CIITA: variants seen among roughly 807,000 people sequenced by gnomAD.
CIITA encodes the protein MHC class II transactivator.
Under a neutral mutation model 115.1 loss-of-function variants are expected in CIITA, and 72 were observed. The ratio of observed to expected loss-of-function variants is 0.63; its 90% CI spans 0.52 to 0.76. The LOEUF (loss-of-function observed/expected upper bound fraction) is 0.76, where lower values mean the gene tolerates loss of function less well. CIITA is among the 30% of genes least tolerant of loss of function. The probability of loss-of-function intolerance (pLI) is 0.00; values close to 1 mark genes in which losing one functional copy is unlikely to be tolerated. For synonymous variants in CIITA, 763 were observed against 635.6 expected (o/e 1.20, Z -3.02); for missense variants, 1,617 against 1,463.8 (o/e 1.10, Z -1.71).
At chr16:10,870,934 C>G (rs945510197) in intron 1 of CIITA, among the ~76,000 whole-genome samples, 3 of 152,220 alleles carry the variant, frequency 2.0e-5, no homozygotes, top group Non-Finnish European at 4.4e-5. Context: ...GGGCCCCAGA[C>G]AATATCTAGA....
At chr16:10,922,517 G>C in intron 18 of CIITA, 27 bp downstream of exon 18, 1 of 1,611,774 alleles carries the variant, frequency 6.2e-7, no homozygotes, top group East Asian at 2.2e-5. Context: ...CTGGTGGGTG[G>C]AGAACAACTC....
At chr16:10,886,600 C>T (rs532263816) in intron 1 of CIITA, among the ~76,000 whole-genome samples, 17 of 152,326 alleles carry the variant, frequency 1.1e-4, no homozygotes, top group African/African-American at 3.6e-4. Flanking sequence ...CCCACAAACC[C>T]GTGTAACCAA....
upstream of CIITA, among the ~76,000 whole-genome samples, chr16:10,873,523 G>T (rs551485095): frequency 5.9e-5 from 9 of 152,304 alleles, no homozygotes; most frequent in African/African-American, 1.9e-4. Flanking sequence ...CTAAAATATA[G>T]ACCAAAAGGG....
At chr16:10,906,344 A>C (rs2039148224) in intron 10 of CIITA, among the ~76,000 whole-genome samples, 155 bp from the exon 11 acceptor site, 1 of 152,252 alleles carries the variant, frequency 6.6e-6, no homozygotes, top group Non-Finnish European at 1.5e-5. Context: ...TGGGCAAAAA[A>C]GCCAGACCCT....
chr16:10,873,862 A>G (rs1477729839), upstream of CIITA, among the ~76,000 whole-genome samples: 1 of 152,150 alleles, frequency 6.6e-6, no homozygotes, highest in Non-Finnish European at 1.5e-5. Context: ...CTCTCCTGAC[A>G]GGGGTCCCGT....
Position 10,903,730 on chromosome 16 carries a change from G to A in CIITA, c.773-1G>A. On this transcript the variant is annotated splice_acceptor_variant, in intron 8 of 19. Coordinates refer to ENST00000324288, the MANE Select transcript of CIITA (RefSeq NM_000246.4). LOFTEE classifies it high-confidence loss of function. Reference sequence around the variant, plus strand: ...CACACCACTCTCCACCCCCAATGTAGGTGAGGTGCCCCAGGCCAGCCAAGT... The same window carrying A: ...CACACCACTCTCCACCCCCAATGTAAGTGAGGTGCCCCAGGCCAGCCAAGT... 1 of 1,614,076 alleles carries A rather than the reference G, an allele frequency of 6.2e-7. No individual in the cohort carries two copies. Among genetic ancestry groups the A allele is most frequent in the Non-Finnish European group, 8.5e-7 (1 of 1,180,004 alleles).
At chr16:10,882,684 G>T (rs1265717116) in intron 1 of CIITA, among the ~76,000 whole-genome samples, 1 of 152,184 alleles carries the variant, frequency 6.6e-6, no homozygotes, top group Non-Finnish European at 1.5e-5. Flanking sequence ...GATCACCTGG[G>T]ATCAGGAGTT....
Position 10,935,774 on chromosome 16 carries a change from C to T in CIITA, c.*11919C>T, listed in dbSNP as rs548546355. On this transcript the variant is annotated 3_prime_UTR_variant, in exon 20 of 20. Transcript: ENST00000324288. ...AGAATGCCTCATCTGAATCTAATCT[C>T]GAGTATAACCATCAGACAAACCCAA... 2.0e-5 allele frequency: 3 copies of T among 152,256 alleles called. No homozygotes were observed. The highest frequency in any genetic ancestry group is 3.4e-3 in the Middle Eastern group (1 of 294). 9.4% of individuals were successfully genotyped at this position (152,256 alleles called of 1,614,324 possible). A position where few individuals can be genotyped will look rare whatever the true frequency, so the allele number is the denominator to read the frequency against.
intron 11 of CIITA, chr16:10,908,821 CA>C: frequency 1.4e-6 from 1 of 694,358 alleles, no homozygotes; most frequent in Non-Finnish European, 2.5e-6. Flanking sequence ...GTAGCCGAAG[CA>C]AAAAGGGAAA....
At position 10,904,827 on chromosome 16, in the gene CIITA, A is replaced by G. The variant is rs1222878241; in HGVS notation, c.1006+15A>G. The G allele has an allele frequency of 1.2e-6, 2 of 1,614,070 alleles. No individual in the cohort carries two copies. The highest frequency in any genetic ancestry group is 1.7e-6 in the Non-Finnish European group (2 of 1,179,896). ...AAAATGGCCTGGTGAGTGATGCGGG[A>G]TCTCTCTGCCCTGGGTGGTGGAGAT... On this transcript the variant is annotated intron_variant, in intron 10 of 19. Transcript: ENST00000324288.
chr16:10,877,256 T>C lies in CIITA; in HGVS notation c.-75T>C. On this transcript the variant is annotated 5_prime_UTR_variant, in exon 1 of 20. Coordinates refer to ENST00000324288, the MANE Select transcript of CIITA (RefSeq NM_000246.4). ...CTTCTGAGCTGGGCATCCGAAGGCA[T>C]CCTTGGGGAAGCTGAGGGCACGAGG... is the stretch of plus-strand genomic sequence containing the variant. 2 of 1,409,376 alleles carry C rather than the reference T, an allele frequency of 1.4e-6. No individual in the cohort carries two copies. Among genetic ancestry groups the C allele is most frequent in the South Asian group, 2.4e-5 (2 of 83,084 alleles). 87.3% of individuals were successfully genotyped at this position (1,409,376 alleles called of 1,614,324 possible). A position where few individuals can be genotyped will look rare whatever the true frequency, so the allele number is the denominator to read the frequency against.
chr16:10,895,519 C>T (rs1249614250), intron 2 of CIITA, 91 bp downstream of exon 2: 5 of 1,579,380 alleles, frequency 3.2e-6, no homozygotes, highest in Non-Finnish European at 4.3e-6. Flanking sequence ...GGTCCCTGCC[C>T]TCCCGTCAGC....
chr16:10,880,450 C>G (rs950487719), intron 1 of CIITA, among the ~76,000 whole-genome samples: 6 of 152,214 alleles, frequency 3.9e-5, no homozygotes, highest in African/African-American at 1.4e-4. Flanking sequence ...TACAAAACCT[C>G]TATCAGAAAA....
rs988009852 is a variant in CIITA at position 10,879,617 on chromosome 16, G to A, written c.52+2235G>A. Among the ~76,000 whole-genome samples the A allele has an allele frequency of 2.6e-5, 4 of 151,632 alleles. No individual in the cohort carries two copies. The highest frequency in any genetic ancestry group is 4.8e-5 in the African/African-American group (2 of 41,256). ...ACTCTCGTTGAACATCTTGGCGAAG[G>A]TGTGTGTTGTTGGGAGGGGTGGGGG... On this transcript the variant is annotated intron_variant, in intron 1 of 19. Transcript: ENST00000324288. The surrounding 1 kb of genome is among the most constrained non-coding windows in gnomAD (Gnocchi z 4.3).
chr16:10,904,619 A>G (rs2039010874), intron 9 of CIITA, 125 bp from the exon 10 acceptor site: 1 of 937,440 alleles, frequency 1.1e-6, no homozygotes, highest in African/African-American at 1.6e-5. Context: ...TCAGGCCGCT[A>G]TCTTATAACC....
intron 13 of CIITA, among the ~76,000 whole-genome samples, chr16:10,912,155 C>T (rs2039626674): frequency 6.6e-6 from 1 of 151,990 alleles, no homozygotes; most frequent in Admixed American, 6.6e-5. Flanking sequence ...TGCTCTGTCA[C>T]CCAGGCTAGA....
chr16:10,869,150 G>A (rs541675268), intron 1 of CIITA, among the ~76,000 whole-genome samples: 12 of 152,214 alleles, frequency 7.9e-5, no homozygotes, highest in Non-Finnish European at 1.8e-4. Flanking sequence ...CCTCTGCTGT[G>A]CTAAACGCTG....
At chr16:10,897,551 G>T (rs2038257173) in intron 3 of CIITA, among the ~76,000 whole-genome samples, 1 of 152,194 alleles carries the variant, frequency 6.6e-6, no homozygotes, top group African/African-American at 2.4e-5. Flanking sequence ...TGCTCCTCAA[G>T]TCTGTGGGTT....
chr16:10,904,279 T>C (rs571566014), intron 9 of CIITA, among the ~76,000 whole-genome samples: 55 of 152,310 alleles, frequency 3.6e-4, no homozygotes, highest in African/African-American at 1.3e-3. Context: ...TAGAGTGCAG[T>C]GGTGCGATCT....
Sources: allele counts gnomAD v4.1 joint callset (sites outside exome capture counted in the v4.1 genomes callset), GRCh38; gene constraint gnomAD v4.1.1; non-coding constraint Gnocchi (gnomAD v3.1); transcripts MANE v1.5; gene names NCBI Gene and HGNC (gene_info 2026-07-23, HGNC 2026-07-21).